Variants in SMIM35 observed in about 807,000 individuals in gnomAD.
SMIM35 encodes small integral membrane protein 35.
At chr11:118,041,485 A>G (rs1944000091) in intron 1 of SMIM35, among the ~76,000 whole-genome samples, 1 of 152,246 alleles carries the variant, frequency 6.6e-6, no homozygotes, top group African/African-American at 2.4e-5. Context: ...AAAATTAGAA[A>G]TCAATAGCAA....
At chr11:118,084,143 CTCTT>C (rs1206707549) in intron 1 of SMIM35, among the ~76,000 whole-genome samples, 3 of 152,156 alleles carry the variant, frequency 2.0e-5, no homozygotes, top group African/African-American at 7.2e-5. Context: ...TACTGCATCT[CTCTT>C]TCTCTCTCTC....
At chr11:118,067,494 T>C (rs1458678383) in intron 1 of SMIM35, 1 of 151,896 alleles carries the variant, frequency 6.6e-6, no homozygotes, top group Admixed American at 6.6e-5. Flanking sequence ...TGCCTGTGAA[T>C]AGCCACTGCA....
chr11:118,058,621 C>T (rs1250015853), intron 1 of SMIM35, among the ~76,000 whole-genome samples: 4 of 152,188 alleles, frequency 2.6e-5, no homozygotes, highest in Non-Finnish European at 4.4e-5. Context: ...CCTCAGGGAA[C>T]TCAGGGCAGG....
chr11:118,019,070 T>C (rs2058205686), intron 1 of SMIM35, among the ~76,000 whole-genome samples: 1 of 152,214 alleles, frequency 6.6e-6, no homozygotes, highest in Admixed American at 6.5e-5. Context: ...ATCTCTGCTG[T>C]ACACCTTTTT....
chr11:118,052,474 G>T (rs746745805), intron 1 of SMIM35, among the ~76,000 whole-genome samples: 1 of 152,068 alleles, frequency 6.6e-6, no homozygotes, highest in African/African-American at 2.4e-5. Flanking sequence ...TCACTTGTAC[G>T]GACCCTTCCA....
Position 118,004,693 on chromosome 11 carries a change from G to A in SMIM35, c.*1717C>T, listed in dbSNP as rs2058113046. 6.6e-6 allele frequency: 1 copy of A among 152,208 alleles called. No individual in the cohort carries two copies. Among genetic ancestry groups the A allele is most frequent in the Non-Finnish European group, 1.5e-5 (1 of 68,054 alleles). The allele number at this position is 152,208 out of a possible 1,614,324, so 9.4% of individuals were successfully genotyped here. ...TCCCCAAACCCCTGCAGCCAATACA[G>A]TTAGAATATTCACGCGATGACTTCC... On this transcript the variant is annotated 3_prime_UTR_variant, in exon 5 of 5. Transcript: ENST00000689828.
intron 1 of SMIM35, chr11:118,077,348 G>A (rs1196878235): frequency 5.7e-6 from 9 of 1,571,910 alleles, no homozygotes; most frequent in Non-Finnish European, 6.0e-6. Context: ...GGAAGGGTGG[G>A]TCTCCCCATG....
At chr11:118,051,397 T>C (rs1944211039) in intron 1 of SMIM35, among the ~76,000 whole-genome samples, 1 of 152,214 alleles carries the variant, frequency 6.6e-6, no homozygotes. Context: ...TTCGGCACTA[T>C]CCTAGCACAG....
At chr11:118,032,557 A>G (rs888606041) in intron 1 of SMIM35, among the ~76,000 whole-genome samples, 1 of 152,112 alleles carries the variant, frequency 6.6e-6, no homozygotes, top group Non-Finnish European at 1.5e-5. Context: ...TTTTCATTTT[A>G]TATCTTCCTG....
At chr11:118,035,446 G>A (rs2058351876) in intron 1 of SMIM35, among the ~76,000 whole-genome samples, 1 of 152,206 alleles carries the variant, frequency 6.6e-6, no homozygotes, top group African/African-American at 2.4e-5. Context: ...CCTTCATGGA[G>A]CTCATGTTCT....
At chr11:118,070,094 T>C (rs1944547220) in intron 1 of SMIM35, among the ~76,000 whole-genome samples, 1 of 152,208 alleles carries the variant, frequency 6.6e-6, no homozygotes, top group Non-Finnish European at 1.5e-5. Context: ...ATTCCAAGTA[T>C]ATGTTGTTCA....
At chr11:118,030,241 G>A (rs1006616268) in intron 1 of SMIM35, among the ~76,000 whole-genome samples, 3 of 152,012 alleles carry the variant, frequency 2.0e-5, no homozygotes, top group African/African-American at 7.3e-5. Context: ...CGCCATGTTG[G>A]CCAGGCTGGT....
intron 1 of SMIM35, among the ~76,000 whole-genome samples, chr11:118,027,452 G>A (rs1470455179): frequency 1.3e-5 from 2 of 152,182 alleles, no homozygotes; most frequent in Non-Finnish European, 2.9e-5. Flanking sequence ...TCACAGAGCT[G>A]TATATGCCAA....
intron 1 of SMIM35, among the ~76,000 whole-genome samples, chr11:118,042,106 A>G (rs1449100473): frequency 9.4e-6 from 1 of 105,962 alleles, no homozygotes; most frequent in Non-Finnish European, 2.1e-5. Context: ...CAACTACAGC[A>G]AGCAGAAGAA....
chr11:118,030,181 T>C (rs887809021), intron 1 of SMIM35, among the ~76,000 whole-genome samples: 14 of 152,162 alleles, frequency 9.2e-5, no homozygotes, highest in Middle Eastern at 3.4e-3. Flanking sequence ...ATTACAGGCA[T>C]GCATCACCAC....
chr11:118,050,424 C>T (rs529579979), intron 1 of SMIM35, among the ~76,000 whole-genome samples: 1 of 152,204 alleles, frequency 6.6e-6, no homozygotes, highest in Non-Finnish European at 1.5e-5. Context: ...TCATGCACAG[C>T]CCAGGTGAGC....
intron 1 of SMIM35, among the ~76,000 whole-genome samples, chr11:118,035,881 G>GTGGGTGTTTGTT (rs150849912): frequency 7.2e-5 from 11 of 152,184 alleles, no homozygotes; most frequent in East Asian, 5.8e-4. Flanking sequence ...CTAATATGTG[G>GTGGGTGTTTGTT]TGTTTGTTTG....
intron 1 of SMIM35, among the ~76,000 whole-genome samples, chr11:118,070,581 C>G (rs1056640993): frequency 5.3e-5 from 8 of 152,220 alleles, no homozygotes; most frequent in Non-Finnish European, 7.3e-5. Context: ...CTCCACTGTC[C>G]TTCCTGTGTC....
chr11:118,056,832 G>T (rs1944318213), intron 1 of SMIM35, among the ~76,000 whole-genome samples: 1 of 152,212 alleles, frequency 6.6e-6, no homozygotes, highest in Non-Finnish European at 1.5e-5. Context: ...ATTTGCAGAA[G>T]TAGCAACGGA....
Sources: allele counts gnomAD v4.1 joint callset (sites outside exome capture counted in the v4.1 genomes callset), GRCh38; gene constraint gnomAD v4.1.1; transcripts MANE v1.5; gene names NCBI Gene and HGNC (gene_info 2026-07-23, HGNC 2026-07-21).